Variants in PPM1F observed in about 807,000 individuals in gnomAD.
PPM1F encodes protein phosphatase, Mg2+/Mn2+ dependent 1F.
Under a neutral mutation model 35.5 loss-of-function variants are expected in PPM1F, and 17 were observed. The observed-to-expected ratio is 0.48, with a 90% CI of 0.33 to 0.72. The LOEUF (loss-of-function observed/expected upper bound fraction) is 0.72. PPM1F is among the 30% of genes least tolerant of loss of function. The pLI, the probability that PPM1F is intolerant of heterozygous loss-of-function variation, is 0.02. For synonymous variants in PPM1F, 241 were observed against 255.5 expected, an observed-to-expected ratio of 0.94 and a Z score of 0.54; for missense variants, 521 against 613.0, an observed-to-expected ratio of 0.85 and a Z score of 1.59.
intron 6 of PPM1F, among the ~76,000 whole-genome samples, chr22:21,927,942 GTTTTTTTTTTTTT>G (rs60216371): frequency 1.2e-4 from 9 of 75,126 alleles, no homozygotes; most frequent in African/African-American, 4.4e-4. Context: ...TTTTTGTTTT[GTTTTTTTTTTTTT>G]TTTTTTTTTT....
At position 21,931,298 on chromosome 22, in the gene PPM1F, GGA is replaced by G. The variant is rs2070586912; in HGVS notation, c.748-9_748-8del. 1.2e-6 allele frequency: 2 copies of G among 1,610,726 alleles called. No homozygotes were observed. Among genetic ancestry groups the G allele is most frequent in the Non-Finnish European group, 1.7e-6 (2 of 1,179,640 alleles). On this transcript the variant is annotated splice_region_variant and splice_polypyrimidine_tract_variant and intron_variant, in intron 5 of 7. Coordinates refer to ENST00000263212, the MANE Select transcript of PPM1F (RefSeq NM_014634.4). ...TGGTGCCGCTCTGCAGCCGCTGCAGGGAGAGAGGGCCCATGAGAGTTGAGAGG... is the reference window on the plus strand; with the variant it reads ...TGGTGCCGCTCTGCAGCCGCTGCAGGGAGAGGGCCCATGAGAGTTGAGAGG...
At chr22:21,931,612 A>C (rs1359663057) in intron 5 of PPM1F, among the ~76,000 whole-genome samples, 1 of 152,024 alleles carries the variant, frequency 6.6e-6, no homozygotes, top group Admixed American at 6.6e-5. Flanking sequence ...TCCCGGGTTC[A>C]AGTGATTCTC....
chr22:21,949,499 G>A (rs1266250345), intron 1 of PPM1F: 1 of 152,478 alleles, frequency 6.6e-6, no homozygotes, highest in Non-Finnish European at 1.5e-5. Flanking sequence ...GGAGGGGCAG[G>A]GGACAGTGCT....
chr22:21,939,511 C>T lies in PPM1F; in HGVS notation c.355+21G>A, dbSNP rs1418647785. 1.2e-6 allele frequency: 2 copies of T among 1,605,948 alleles called. No homozygotes were observed. The highest frequency in any genetic ancestry group is 8.5e-7 in the Non-Finnish European group (1 of 1,175,684). On this transcript the variant is annotated intron_variant, in intron 3 of 7. Transcript: ENST00000263212. The surrounding 1 kb of genome is among the most constrained non-coding windows in gnomAD (Gnocchi z 5.1). The stretch of plus-strand genomic sequence containing the variant: ...GCCTGCTAAGCAGCCCTGGGGCCAC[C>T]TCAGAAGAAACAGAACTCACAGGTC...
At chr22:21,945,758 G>A (rs1475991611) in intron 2 of PPM1F, 85 bp downstream of exon 2, 13 of 1,385,958 alleles carry the variant, frequency 9.4e-6, no homozygotes, top group Middle Eastern at 2.5e-4. Flanking sequence ...GGGGCTGGAC[G>A]TGTAGGGGAG....
chr22:21,935,481 G>A (rs932665652), intron 3 of PPM1F: 1 of 152,148 alleles, frequency 6.6e-6, no homozygotes, highest in East Asian at 1.9e-4. Context: ...TGTTACCATT[G>A]GAGGAAACTG....
At chr22:21,927,738 G>A (rs2070533001) in intron 6 of PPM1F, among the ~76,000 whole-genome samples, 1 of 152,190 alleles carries the variant, frequency 6.6e-6, no homozygotes, top group Non-Finnish European at 1.5e-5. Flanking sequence ...CCCCTGTGCT[G>A]GACAGGCTGC....
intron 6 of PPM1F, among the ~76,000 whole-genome samples, chr22:21,928,512 T>C (rs462496): frequency 0.035 from 5,331 of 152,296 alleles, 283 homozygotes; most frequent in African/African-American, 0.12. Context: ...CAGTCCAGCT[T>C]TTCCAGCTGA....
chr22:21,943,074 T>C (rs910155939), intron 2 of PPM1F: 2 of 152,240 alleles, frequency 1.3e-5, no homozygotes, highest in Admixed American at 6.5e-5. Flanking sequence ...AAGGCGTAAA[T>C]AGCCCCCTGT....
At chr22:21,946,992 G>C (rs1353682589) in intron 1 of PPM1F, 1 of 152,262 alleles carries the variant, frequency 6.6e-6, no homozygotes, top group East Asian at 1.9e-4. Context: ...AGAATCCCAA[G>C]GTTTGGAGAG....
intron 6 of PPM1F, among the ~76,000 whole-genome samples, chr22:21,929,892 C>T (rs1273344625): frequency 1.3e-5 from 2 of 152,046 alleles, no homozygotes; most frequent in Non-Finnish European, 2.9e-5. Context: ...CTTTCCAAAC[C>T]AGAAGCCACA....
At chr22:21,924,846 G>A (rs2070492509) in intron 7 of PPM1F, 1 of 152,138 alleles carries the variant, frequency 6.6e-6, no homozygotes. Flanking sequence ...TGGGATTACA[G>A]GCGTGAGCCA....
At chr22:21,929,701 A>G (rs749369377) in intron 6 of PPM1F, among the ~76,000 whole-genome samples, 1 of 152,182 alleles carries the variant, frequency 6.6e-6, no homozygotes, top group Non-Finnish European at 1.5e-5. Context: ...GGGGAGTGGC[A>G]GAGACTATCT....
rs565245424 is a variant in PPM1F at position 21,921,498 on chromosome 22, T to G, written c.*1594A>C. Reference sequence around the variant, plus strand: ...TCCCCCAGCCTTGCCACTTTCAACTTTGCACGCCCTCAGTGAGCTCCCTGA... The same window carrying G: ...TCCCCCAGCCTTGCCACTTTCAACTGTGCACGCCCTCAGTGAGCTCCCTGA... On this transcript the variant is annotated 3_prime_UTR_variant, in exon 8 of 8. Transcript: ENST00000263212. 6.6e-6 allele frequency: 1 copy of G among 152,576 alleles called. No homozygotes were observed. Among genetic ancestry groups the G allele is most frequent in the South Asian group, 2.1e-4 (1 of 4,820 alleles). The allele number at this position is 152,576 out of a possible 1,614,324, so 9.5% of individuals were successfully genotyped here. A position where few individuals can be genotyped will look rare whatever the true frequency, so the allele number is the denominator to read the frequency against.
rs1479959421 is a variant in PPM1F, at chr22:21,920,669, C to G, written c.*2423G>C. On this transcript the variant is annotated 3_prime_UTR_variant, in exon 8 of 8. Coordinates refer to ENST00000263212, the MANE Select transcript of PPM1F (RefSeq NM_014634.4). The stretch of plus-strand genomic sequence containing the variant: ...GGGGTGGGGAGCGGCAGTGCTGGGA[C>G]AAGCCTGGGGAAAGGGTTTCCCATA... 1 of 152,324 alleles carries G rather than the reference C, an allele frequency of 6.6e-6. No homozygotes were observed. Among genetic ancestry groups the G allele is most frequent in the African/African-American group, 2.4e-5 (1 of 41,458 alleles). The allele number at this position is 152,324 out of a possible 1,614,324, so 9.4% of individuals were successfully genotyped here.
intron 2 of PPM1F, 127 bp downstream of exon 2, chr22:21,945,716 G>T: frequency 1.1e-6 from 1 of 942,586 alleles, no homozygotes; most frequent in Non-Finnish European, 1.6e-6. Flanking sequence ...ACATGGTGCT[G>T]CATAGGGATC....
At chr22:21,925,188 C>T (rs1052240028) in intron 7 of PPM1F, 2 of 352,414 alleles carry the variant, frequency 5.7e-6, no homozygotes, top group Non-Finnish European at 1.0e-5. Context: ...AGCCACCGCG[C>T]CCAGCGAACC....
At chr22:21,929,139 T>C (rs1473538426) in intron 6 of PPM1F, among the ~76,000 whole-genome samples, 2 of 152,108 alleles carry the variant, frequency 1.3e-5, no homozygotes, top group African/African-American at 4.8e-5. Flanking sequence ...GTAACCGACA[T>C]GATGCTTGTT....
intron 2 of PPM1F, chr22:21,944,805 G>A (rs1278300187): frequency 6.6e-6 from 1 of 152,232 alleles, no homozygotes; most frequent in Admixed American, 6.5e-5. Context: ...CCAAGGAAAG[G>A]ACCTCTGAGT....
Sources: allele counts gnomAD v4.1 joint callset (sites outside exome capture counted in the v4.1 genomes callset), GRCh38; gene constraint gnomAD v4.1.1; non-coding constraint Gnocchi (gnomAD v3.1); transcripts MANE v1.5; gene names NCBI Gene and HGNC (gene_info 2026-07-23, HGNC 2026-07-21).